Variants in CARM1 observed in about 807,000 individuals in gnomAD.
The protein encoded by CARM1 is histone-arginine methyltransferase CARM1.
CARM1 carries 14 observed loss-of-function variants against 72.7 expected under a neutral mutation model. The observed-to-expected ratio is 0.19, with a 90% confidence interval of 0.13 to 0.30. CARM1 has a LOEUF of 0.30. CARM1 is among the 10% of genes least tolerant of loss of function. The pLI, the probability that CARM1 is intolerant of heterozygous loss-of-function variation, is 1.00. For missense variants in CARM1, 432 were observed against 833.7 expected, an observed-to-expected ratio of 0.52 and a Z score of 5.93; for synonymous variants, 333 against 345.5, an observed-to-expected ratio of 0.96 and a Z score of 0.40.
intron 2 of CARM1, 139 bp downstream of exon 2, chr19:10,905,215 A>G (rs1279084711): frequency 9.8e-7 from 1 of 1,018,194 alleles, no homozygotes; most frequent in Non-Finnish European, 1.4e-6. Flanking sequence ...ACATTCCCAC[A>G]TGCAGGTATG....
In CARM1 at chr19:10,921,808, C is replaced by T. The variant is rs542468896; in HGVS notation, c.*51C>T. On this transcript the variant is annotated 3_prime_UTR_variant, in exon 16 of 16. Coordinates refer to ENST00000327064, the MANE Select transcript of CARM1 (RefSeq NM_199141.2). ...CCAGGAAACCAAATGATGTCCCTGC[C>T]CGCCGCCCCCGCCGGGCGGCTTTCC... 1.3e-6 allele frequency: 2 copies of T among 1,520,974 alleles called. No homozygotes were observed. The highest frequency in any genetic ancestry group is 8.9e-7 in the Non-Finnish European group (1 of 1,128,388). The allele number at this position is 1,520,974 out of a possible 1,614,324, so 94.2% of individuals were successfully genotyped here.
intron 1 of CARM1, among the ~76,000 whole-genome samples, chr19:10,892,556 G>A (rs753165991): frequency 2.0e-5 from 3 of 152,198 alleles, no homozygotes; most frequent in East Asian, 1.9e-4. Flanking sequence ...AGGCCAGGCC[G>A]GGTTAGGGTT....
chr19:10,916,483 C>T lies in CARM1; in HGVS notation c.924C>T (p.Thr308=). Residue 308 remains threonine (T), a synonymous_variant, in exon 7 of 16, where the codon ACC becomes ACT. Transcript: ENST00000327064. The surrounding 1 kb of genome is among the most constrained non-coding windows in gnomAD (Gnocchi z 4.4). ...AACAGCTCTACATGGAGCAGTTCAC[C>T]AAGGCCAACTTCTGGTGAGTGTGCC... ...TDEQLYMEQF[T]KANFWYQPSF... The T allele has an allele frequency of 6.2e-7, 1 of 1,612,938 alleles. No homozygotes were observed. The highest frequency in any genetic ancestry group is 8.5e-7 in the Non-Finnish European group (1 of 1,179,068).
At chr19:10,904,447 C>T (rs980793928) in intron 1 of CARM1, among the ~76,000 whole-genome samples, 2 of 152,200 alleles carry the variant, frequency 1.3e-5, no homozygotes, top group South Asian at 2.1e-4. Flanking sequence ...ACCACTGCCC[C>T]GCCATTAGCC....
At chr19:10,894,675 C>T (rs567474476) in intron 1 of CARM1, among the ~76,000 whole-genome samples, 38 of 151,534 alleles carry the variant, frequency 2.5e-4, no homozygotes, top group African/African-American at 6.5e-4. Context: ...CTTTCTCCCC[C>T]GAGCTGCTGC....
At chr19:10,883,128 C>T (rs1168922437) in intron 1 of CARM1, among the ~76,000 whole-genome samples, 1 of 152,196 alleles carries the variant, frequency 6.6e-6, no homozygotes, top group African/African-American at 2.4e-5. Flanking sequence ...ACATGGGAGC[C>T]TCACCTTGGG....
chr19:10,921,881 A>G lies in CARM1; in HGVS notation c.*124A>G, dbSNP rs1392716880. ...ACACCCGGTCACAGCTCTCTTTGCTATGGGAACTGGGACACTTTTTTACAC... is the reference window on the plus strand; with the variant it reads ...ACACCCGGTCACAGCTCTCTTTGCTGTGGGAACTGGGACACTTTTTTACAC... On this transcript the variant is annotated 3_prime_UTR_variant, in exon 16 of 16. Transcript: ENST00000327064. The G allele has an allele frequency of 2.0e-6, 2 of 985,134 alleles. No individual in the cohort carries two copies. The highest frequency in any genetic ancestry group is 2.6e-5 in the East Asian group (1 of 38,672). 61.0% of individuals were successfully genotyped at this position (985,134 alleles called of 1,614,324 possible). A position where few individuals can be genotyped will look rare whatever the true frequency, so the allele number is the denominator to read the frequency against.
intron 1 of CARM1, among the ~76,000 whole-genome samples, chr19:10,901,864 G>C (rs961847903): frequency 1.3e-5 from 2 of 151,798 alleles, no homozygotes; most frequent in Non-Finnish European, 2.9e-5. Flanking sequence ...TCGCTTGAAC[G>C]CAGCTACTCA....
rs1337303690 is a variant in CARM1, at chr19:10,915,210, G to T, written c.847+1156G>T. 1.3e-5 allele frequency among the ~76,000 whole-genome samples: 2 copies of T among 152,120 alleles called. No individual in the cohort carries two copies. Among genetic ancestry groups the T allele is most frequent in the African/African-American group, 4.8e-5 (2 of 41,434 alleles). On this transcript the variant is annotated intron_variant, in intron 6 of 15. Coordinates refer to ENST00000327064, the MANE Select transcript of CARM1 (RefSeq NM_199141.2). The surrounding 1 kb of genome is among the most constrained non-coding windows in gnomAD (Gnocchi z 4.6). ...TGTCTCATGTCTTGGGTGTGAGTAT[G>T]GGAAGCAAGGCTGCTCCAGGGGCTG...
In CARM1 at chr19:10,916,904, A is replaced by AT. The variant is rs1332835939; in HGVS notation, c.1020+130dup. The AT allele has an allele frequency of 4.5e-6, 3 of 673,860 alleles. No individual in the cohort carries two copies. The highest frequency in any genetic ancestry group is 7.6e-6 in the Non-Finnish European group (3 of 396,954). The allele number at this position is 673,860 out of a possible 1,614,324, so 41.7% of individuals were successfully genotyped here. On this transcript the variant is annotated intron_variant, in intron 8 of 15. Coordinates refer to ENST00000327064, the MANE Select transcript of CARM1 (RefSeq NM_199141.2). The surrounding 1 kb of genome is among the most constrained non-coding windows in gnomAD (Gnocchi z 4.4). ...TGCCCTGCACAGCGCTCTCACAGAGATTTGGGCCAAAAGTGTCAATGCATG... is the reference window on the plus strand; with the variant it reads ...TGCCCTGCACAGCGCTCTCACAGAGATTTTGGGCCAAAAGTGTCAATGCATG...
At position 10,912,225 on chromosome 19, in the gene CARM1, T is replaced by C. The variant is rs2074156626; in HGVS notation, c.600T>C (p.Phe200=). Residue 200 remains phenylalanine (F), a synonymous_variant, in exon 5 of 16, where the codon TTT becomes TTC. Transcript: ENST00000327064. This position sits in a 1 kb window ranked among gnomAD's most constrained non-coding sequence, Gnocchi z 4.5. ...GCTGTGGCTCTGGGATCCTGTCGTT[T>C]TTTGCCGCCCAAGCTGGAGCACGGA... ...DVGCGSGILS[F]FAAQAGARKI... The C allele has an allele frequency of 6.2e-7, 1 of 1,614,032 alleles. No individual in the cohort carries two copies. The highest frequency in any genetic ancestry group is 8.5e-7 in the Non-Finnish European group (1 of 1,180,016).
rs902389974 is a variant in CARM1 at position 10,921,740 on chromosome 19, A to C, written c.1810A>C (p.Met604Leu). The C allele has an allele frequency of 1.2e-6, 2 of 1,608,144 alleles. No homozygotes were observed. Among genetic ancestry groups the C allele is most frequent in the South Asian group, 1.1e-5 (1 of 90,728 alleles). The part of the protein sequence containing the change: ...ASPMSIPTNT[M>L]HYGS ...GCCCATGTCCATCCCGACCAACACC[A>C]TGCACTACGGGAGCTAGGGGCCCGC... The change falls in exon 16 of 16, where the codon ATG (methionine) becomes CTG (leucine). Residue 604 changes from methionine to leucine, a missense_variant. Coordinates refer to ENST00000327064, the MANE Select transcript of CARM1 (RefSeq NM_199141.2).
chr19:10,883,391 A>G (rs1327317305), intron 1 of CARM1, among the ~76,000 whole-genome samples: 1 of 151,804 alleles, frequency 6.6e-6, no homozygotes, highest in South Asian at 2.1e-4. Flanking sequence ...GGTGTAGTTT[A>G]TCTGTCCCAG....
intron 1 of CARM1, among the ~76,000 whole-genome samples, chr19:10,883,010 G>A (rs1034166312): frequency 1.3e-5 from 2 of 151,964 alleles, no homozygotes; most frequent in Admixed American, 6.5e-5. Context: ...GGGGCCTGCA[G>A]GGTGTCTGTG....
intron 1 of CARM1, among the ~76,000 whole-genome samples, chr19:10,890,928 C>T (rs865857801): frequency 1.3e-5 from 2 of 149,002 alleles, no homozygotes; most frequent in Non-Finnish European, 3.0e-5. Context: ...TATGACTGGG[C>T]GGGCCATTGC....
At chr19:10,914,849 C>G (rs2074182533) in intron 6 of CARM1, among the ~76,000 whole-genome samples, 1 of 152,190 alleles carries the variant, frequency 6.6e-6, no homozygotes, top group Non-Finnish European at 1.5e-5. Flanking sequence ...AGCCACTGTG[C>G]CTGGCCTGGG....
chr19:10,890,798 T>TTTC (rs2073982221), intron 1 of CARM1, among the ~76,000 whole-genome samples: 1 of 121,590 alleles, frequency 8.2e-6, no homozygotes, highest in Admixed American at 8.2e-5. Flanking sequence ...TATATATATT[T>TTTC]TTTTTTTTTT....
At chr19:10,875,557 T>G (rs780338259) in intron 1 of CARM1, among the ~76,000 whole-genome samples, 22 of 151,986 alleles carry the variant, frequency 1.4e-4, no homozygotes, top group Non-Finnish European at 2.8e-4. Context: ...CCCGGGTAGC[T>G]GGGACTACAG....
At chr19:10,900,834 T>C (rs934308930) in intron 1 of CARM1, among the ~76,000 whole-genome samples, 1 of 150,428 alleles carries the variant, frequency 6.6e-6, no homozygotes, top group South Asian at 2.1e-4. Context: ...CAGGCACCCG[T>C]CACCACACCC....
Sources: allele counts gnomAD v4.1 joint callset (sites outside exome capture counted in the v4.1 genomes callset), GRCh38; gene constraint gnomAD v4.1.1; non-coding constraint Gnocchi (gnomAD v3.1); transcripts MANE v1.5; gene names NCBI Gene and HGNC (gene_info 2026-07-23, HGNC 2026-07-21).